Variants in MMP16 observed in about 807,000 individuals in gnomAD.
MMP16 encodes matrix metallopeptidase 16.
MMP16 carries 12 observed loss-of-function variants against 67.8 expected under a neutral mutation model. The observed-to-expected ratio is 0.18, with a 90% CI of 0.11 to 0.29. The LOEUF (loss-of-function observed/expected upper bound fraction) is 0.29. MMP16 is among the 10% of genes least tolerant of loss of function. The pLI, the probability that MMP16 is intolerant of heterozygous loss-of-function variation, is 1.00. For synonymous variants in MMP16, 249 were observed against 255.9 expected (o/e 0.97, Z 0.26); for missense variants, 475 against 765.7 (o/e 0.62, Z 4.48).
chr8:88,154,607 T>A (rs1808474180), intron 4 of MMP16, among the ~76,000 whole-genome samples: 1 of 151,402 alleles, frequency 6.6e-6, no homozygotes, highest in Admixed American at 6.6e-5. Context: ...CTCAGTTAAC[T>A]ATCGCAAGAA....
chr8:88,064,805 G>C (rs1188594513), intron 7 of MMP16, among the ~76,000 whole-genome samples: 1 of 152,040 alleles, frequency 6.6e-6, no homozygotes, highest in Non-Finnish European at 1.5e-5. Flanking sequence ...AACTCTTGAG[G>C]TCATATGACT....
At chr8:88,078,856 C>T (rs907633996) in intron 6 of MMP16, among the ~76,000 whole-genome samples, 2 of 152,134 alleles carry the variant, frequency 1.3e-5, no homozygotes, top group East Asian at 1.9e-4. Context: ...GTTCTTTGGG[C>T]CCTCCTCTGC....
At chr8:88,171,604 T>C (rs1410910868) in intron 3 of MMP16, among the ~76,000 whole-genome samples, 2 of 152,150 alleles carry the variant, frequency 1.3e-5, no homozygotes, top group African/African-American at 2.4e-5. Flanking sequence ...AAACAAAATA[T>C]AAAATTCTAA....
At chr8:88,223,621 T>G (rs1809721138) in intron 1 of MMP16, among the ~76,000 whole-genome samples, 1 of 142,102 alleles carries the variant, frequency 7.0e-6, no homozygotes, top group African/African-American at 2.6e-5. Context: ...ATGTTGTCAC[T>G]CATAGGTGGG....
chr8:88,086,747 C>T (rs948177985), intron 6 of MMP16, among the ~76,000 whole-genome samples: 1 of 151,884 alleles, frequency 6.6e-6, no homozygotes, highest in Non-Finnish European at 1.5e-5. Flanking sequence ...TTAGTTTTTT[C>T]ACCACCCAAG....
intron 4 of MMP16, among the ~76,000 whole-genome samples, chr8:88,165,178 T>TAAAAA (rs11325157): frequency 5.2e-5 from 5 of 95,248 alleles, no homozygotes; most frequent in Admixed American, 1.2e-4. Context: ...ACCCCATCTC[T>TAAAAA]AAAAAAAAAA....
At chr8:88,042,866 TC>T (rs1808150865) in intron 9 of MMP16, among the ~76,000 whole-genome samples, 1 of 152,212 alleles carries the variant, frequency 6.6e-6, no homozygotes, top group African/African-American at 2.4e-5. Context: ...CTCATTCATG[TC>T]AAGTTTCTGT....
rs565519821 is a variant in MMP16 at position 88,106,001 on chromosome 8, C to T, written c.1083+10506G>A. ...AAATCTATTTGTATATATGCAAATA[C>T]ATATACACACACATGCATATATATA... On this transcript the variant is annotated intron_variant, in intron 6 of 9. Transcript: ENST00000286614. Among the ~76,000 whole-genome samples, 386 of 128,390 alleles carry T rather than the reference C, an allele frequency of 3.0e-3. 3 individuals carry two copies. The highest frequency in any genetic ancestry group is 0.01 in the African/African-American group (349 of 33,840). The allele number at this position is 128,390 out of a possible 152,430, so 84.2% of individuals were successfully genotyped here.
chr8:88,138,439 T>C (rs1808158725), intron 4 of MMP16, among the ~76,000 whole-genome samples: 1 of 152,074 alleles, frequency 6.6e-6, no homozygotes, highest in Non-Finnish European at 1.5e-5. Context: ...CAGTGGCTTT[T>C]TGACTGGCTC....
chr8:88,114,055 CAA>C (rs1163252352), intron 6 of MMP16, among the ~76,000 whole-genome samples: 1 of 151,672 alleles, frequency 6.6e-6, no homozygotes, highest in Non-Finnish European at 1.5e-5. Context: ...AGAAGTGTTT[CAA>C]AAAAACTTTT....
intron 4 of MMP16, among the ~76,000 whole-genome samples, chr8:88,149,470 C>G (rs1387174180): frequency 1.3e-5 from 2 of 152,162 alleles, no homozygotes; most frequent in Non-Finnish European, 2.9e-5. Context: ...TGTCTGACAG[C>G]TTTGAAGAGA....
At chr8:88,138,183 A>G (rs1808154221) in intron 4 of MMP16, among the ~76,000 whole-genome samples, 1 of 151,974 alleles carries the variant, frequency 6.6e-6, no homozygotes. Flanking sequence ...GAGAAGCTGG[A>G]TAATATTTTC....
intron 2 of MMP16, 23 bp downstream of exon 2, chr8:88,197,135 G>T: frequency 6.2e-7 from 1 of 1,601,286 alleles, no homozygotes; most frequent in South Asian, 1.1e-5. Context: ...CAAAAAGAAA[G>T]GAGGATGGGA....
intron 4 of MMP16, among the ~76,000 whole-genome samples, chr8:88,163,341 T>A (rs1257312113): frequency 1.3e-5 from 2 of 152,102 alleles, no homozygotes; most frequent in Non-Finnish European, 2.9e-5. Context: ...ATTTAACGGT[T>A]TTGATGTCTC....
chr8:88,051,934 G>A (rs1250399601), intron 8 of MMP16, among the ~76,000 whole-genome samples: 1 of 152,094 alleles, frequency 6.6e-6, no homozygotes, highest in East Asian at 1.9e-4. Context: ...AGGGCAAGTA[G>A]GAATCTGAGG....
intron 1 of MMP16, among the ~76,000 whole-genome samples, chr8:88,235,858 T>C (rs1809932278): frequency 6.6e-6 from 1 of 152,150 alleles, no homozygotes; most frequent in Non-Finnish European, 1.5e-5. Context: ...TACACATTTG[T>C]ATTTTCTTTA....
chr8:88,184,103 T>C (rs1033490355), intron 3 of MMP16, among the ~76,000 whole-genome samples: 13 of 152,082 alleles, frequency 8.5e-5, no homozygotes, highest in African/African-American at 3.1e-4. Context: ...TAAATTTCCT[T>C]GGCTACTTTT....
intron 1 of MMP16, among the ~76,000 whole-genome samples, chr8:88,288,042 T>C (rs1287561813): frequency 2.0e-5 from 3 of 152,230 alleles, no homozygotes; most frequent in Non-Finnish European, 4.4e-5. Flanking sequence ...ATCAATTTCA[T>C]GAACATATCA....
rs1808004072 is a variant in MMP16, at chr8:88,032,873, T to C, written c.*8588A>G. On this transcript the variant is annotated 3_prime_UTR_variant, in exon 10 of 10. Coordinates refer to ENST00000286614, the MANE Select transcript of MMP16 (RefSeq NM_005941.5). Reference sequence around the variant, plus strand: ...TATTATCAAGAACTTAATGAAATAGTGTTGAGTGTAATGAGAACAATGCAG... The same window carrying C: ...TATTATCAAGAACTTAATGAAATAGCGTTGAGTGTAATGAGAACAATGCAG... The C allele has an allele frequency of 6.6e-6, 1 of 152,024 alleles. No homozygotes were observed. Among genetic ancestry groups the C allele is most frequent in the East Asian group, 1.9e-4 (1 of 5,178 alleles). The allele number at this position is 152,024 out of a possible 1,614,324, so 9.4% of individuals were successfully genotyped here.
Sources: allele counts gnomAD v4.1 joint callset (sites outside exome capture counted in the v4.1 genomes callset), GRCh38; gene constraint gnomAD v4.1.1; transcripts MANE v1.5; gene names NCBI Gene and HGNC (gene_info 2026-07-23, HGNC 2026-07-21).